The following ZRANB3 variants were observed in gnomAD, a reference collection of about 807,000 sequenced individuals.
ZRANB3 encodes zinc finger RANBP2-type containing 3.
ZRANB3 carries 125 observed loss-of-function variants against 133.8 expected under a neutral mutation model. The observed-to-expected ratio is 0.93, with a 90% CI of 0.81 to 1.08. The LOEUF is 1.08. Ranked by LOEUF, ZRANB3 falls within the 50% of genes least tolerant of loss-of-function variation. The pLI is 0.00. For missense variants in ZRANB3, 1,229 were observed against 1,275.5 expected (o/e 0.96, Z 0.56); for synonymous variants, 387 against 432.7 (o/e 0.89, Z 1.31).
chr2:135,400,406 C>T (rs1290525886), intron 2 of ZRANB3, among the ~76,000 whole-genome samples: 1 of 151,970 alleles, frequency 6.6e-6, no homozygotes, highest in Non-Finnish European at 1.5e-5. Flanking sequence ...AGTACAATGG[C>T]ATGATCTCGG....
At chr2:135,374,359 T>TCA (rs1686323885) in intron 3 of ZRANB3, among the ~76,000 whole-genome samples, 1 of 151,976 alleles carries the variant, frequency 6.6e-6, no homozygotes, top group Non-Finnish European at 1.5e-5. Context: ...TGAGCTGAGA[T>TCA]CACGCCACTA....
At chr2:135,201,273 A>G (rs1327846885) in intron 20 of ZRANB3, among the ~76,000 whole-genome samples, 1 of 152,182 alleles carries the variant, frequency 6.6e-6, no homozygotes, top group Admixed American at 6.5e-5. Context: ...ATTTGCTAAT[A>G]ACTTGCACAT....
At chr2:135,355,708 G>A (rs977809150) in intron 3 of ZRANB3, among the ~76,000 whole-genome samples, 2 of 152,014 alleles carry the variant, frequency 1.3e-5, no homozygotes, top group Non-Finnish European at 2.9e-5. Flanking sequence ...CCACTTCCCC[G>A]CCTCAACAAC....
At chr2:135,231,079 A>G in intron 12 of ZRANB3, 152 bp from the exon 13 acceptor site, 1 of 502,194 alleles carries the variant, frequency 2.0e-6, no homozygotes, top group Non-Finnish European at 3.2e-6. Flanking sequence ...GACTCTTCAT[A>G]TATACATATA....
At chr2:135,382,430 T>A (rs1686755559) in intron 3 of ZRANB3, among the ~76,000 whole-genome samples, 1 of 152,088 alleles carries the variant, frequency 6.6e-6, no homozygotes, top group South Asian at 2.1e-4. Flanking sequence ...CAGGATATTA[T>A]CCAGGAGAAC....
chr2:135,288,111 T>C (rs1482726907), intron 8 of ZRANB3, among the ~76,000 whole-genome samples: 2 of 152,180 alleles, frequency 1.3e-5, no homozygotes, highest in African/African-American at 4.8e-5. Context: ...ATGTCCCCTC[T>C]ATGATGATTT....
At chr2:135,412,455 A>T (rs1026771157) in intron 2 of ZRANB3, among the ~76,000 whole-genome samples, 2 of 152,206 alleles carry the variant, frequency 1.3e-5, no homozygotes, top group African/African-American at 4.8e-5. Flanking sequence ...TAGATCAAGT[A>T]GACCTGGCTT....
intron 3 of ZRANB3, among the ~76,000 whole-genome samples, chr2:135,381,245 G>C (rs1284012862): frequency 6.6e-6 from 1 of 152,208 alleles, no homozygotes; most frequent in Non-Finnish European, 1.5e-5. Context: ...ACGGAGCCTA[G>C]CTGATTGCTA....
At chr2:135,252,533 C>T (rs555128371) in intron 12 of ZRANB3, among the ~76,000 whole-genome samples, 1 of 152,190 alleles carries the variant, frequency 6.6e-6, no homozygotes, top group Non-Finnish European at 1.5e-5. Flanking sequence ...TTAAATTAAT[C>T]CACTTATGTC....
intron 2 of ZRANB3, among the ~76,000 whole-genome samples, chr2:135,468,448 T>C (rs182101741): frequency 6.6e-6 from 1 of 152,256 alleles, no homozygotes; most frequent in East Asian, 1.9e-4. Context: ...GTATACTCTA[T>C]GTATTTTCAA....
At chr2:135,460,429 T>C (rs1690713128) in intron 2 of ZRANB3, among the ~76,000 whole-genome samples, 2 of 152,012 alleles carry the variant, frequency 1.3e-5, no homozygotes, top group African/African-American at 4.8e-5. Context: ...GCCCAGCTAA[T>C]TTTTAAAAAA....
intron 12 of ZRANB3, among the ~76,000 whole-genome samples, chr2:135,235,251 T>C (rs1274290693): frequency 7.2e-5 from 11 of 152,188 alleles, no homozygotes; most frequent in East Asian, 3.9e-4. Flanking sequence ...AAGTTGAATC[T>C]CTGAATAGAC....
intron 1 of ZRANB3, among the ~76,000 whole-genome samples, chr2:135,529,560 TGGCGCGATCTC>T (rs1156392547): frequency 1.3e-5 from 2 of 152,102 alleles, no homozygotes; most frequent in Non-Finnish European, 2.9e-5. Context: ...TGGAGTGCAG[TGGCGCGATCTC>T]GGGTCACTGT....
At chr2:135,231,455 C>T (rs1425091164) in intron 12 of ZRANB3, among the ~76,000 whole-genome samples, 1 of 152,114 alleles carries the variant, frequency 6.6e-6, no homozygotes, top group Non-Finnish European at 1.5e-5. Flanking sequence ...AAAATGTTTT[C>T]TTGACCAGGA....
At chr2:135,414,571 C>G in intron 2 of ZRANB3, among the ~76,000 whole-genome samples, 1 of 152,128 alleles carries the variant, frequency 6.6e-6, no homozygotes, top group East Asian at 1.9e-4. Context: ...CAAGGATACC[C>G]AGGGATTGAA....
intron 2 of ZRANB3, among the ~76,000 whole-genome samples, chr2:135,500,022 G>T (rs1243929302): frequency 6.6e-6 from 1 of 152,132 alleles, no homozygotes; most frequent in Non-Finnish European, 1.5e-5. Context: ...AATAGAAATA[G>T]GAAGAAAACA....
chr2:135,305,542 T>C (rs926052559), intron 8 of ZRANB3, among the ~76,000 whole-genome samples: 1 of 152,220 alleles, frequency 6.6e-6, no homozygotes, highest in Non-Finnish European at 1.5e-5. Flanking sequence ...TTGTTAATTG[T>C]TTTATCGTTG....
Position 135,207,652 on chromosome 2 carries a change from A to T in ZRANB3, c.2791T>A (p.Trp931Arg). Residue 931 changes from tryptophan to arginine, a missense_variant, in exon 19 of 21, where the codon TGG (tryptophan) becomes AGG (arginine). Trp to Arg is a moderately radical substitution (Grantham distance 101, BLOSUM62 -3). Coordinates refer to ENST00000264159, the MANE Select transcript of ZRANB3 (RefSeq NM_032143.4). The stretch of plus-strand genomic sequence containing the variant: ...TTCAGAGAGCAAAACCGTGAATCCC[A>T]AGAGTTCGCTTTACATGCTTGCTTA... ...QTKQACKANSWDSRFCSLKCQ... is the reference protein window; with the variant it reads ...QTKQACKANSRDSRFCSLKCQ... 6.2e-7 allele frequency: 1 copy of T among 1,614,012 alleles called. No individual in the cohort carries two copies. Among genetic ancestry groups the T allele is most frequent in the East Asian group, 2.2e-5 (1 of 44,886 alleles).
intron 19 of ZRANB3, among the ~76,000 whole-genome samples, chr2:135,206,468 G>A (rs1693862389): frequency 6.6e-6 from 1 of 151,894 alleles, no homozygotes; most frequent in Non-Finnish European, 1.5e-5. Flanking sequence ...TCGAACTCCT[G>A]ACCTCAGGTG....
Sources: allele counts gnomAD v4.1 joint callset (sites outside exome capture counted in the v4.1 genomes callset), GRCh38; gene constraint gnomAD v4.1.1; transcripts MANE v1.5; gene names NCBI Gene and HGNC (gene_info 2026-07-23, HGNC 2026-07-21).